The following SPEF2 variants were observed in gnomAD, a reference collection of about 807,000 sequenced individuals.
The protein encoded by SPEF2 is sperm flagellar and cilia associated 2.
Under a neutral mutation model 224.6 loss-of-function variants are expected in SPEF2, and 187 were observed. The observed-to-expected ratio is 0.83, with a 90% CI of 0.74 to 0.94. SPEF2 has a LOEUF of 0.94. Ranked by LOEUF, SPEF2 falls within the 40% of genes least tolerant of loss-of-function variation. The pLI, the probability that SPEF2 is intolerant of heterozygous loss-of-function variation, is 0.00. For missense variants in SPEF2, 2,170 were observed against 2,135.6 expected, an observed-to-expected ratio of 1.02 and a Z score of -0.32; for synonymous variants, 715 against 707.3, an observed-to-expected ratio of 1.01 and a Z score of -0.17.
At chr5:35,674,904 G>A (rs1362266298) in intron 10 of SPEF2, among the ~76,000 whole-genome samples, 2 of 152,198 alleles carry the variant, frequency 1.3e-5, no homozygotes, top group Admixed American at 1.3e-4. Context: ...AATTTCACAT[G>A]AAGTTGCTTG....
Position 35,646,804 on chromosome 5 carries a change from A to G in SPEF2, c.723A>G (p.Ala241=). The G allele has an allele frequency of 6.2e-7, 1 of 1,613,754 alleles. No individual in the cohort carries two copies. Among genetic ancestry groups the G allele is most frequent in the Non-Finnish European group, 8.5e-7 (1 of 1,179,826 alleles). The part of the protein sequence containing the change: ...AQKMMKKKKE[A]EDVADEIKKF... ...AAATGATGAAAAAGAAAAAAGAGGC[A>G]GAAGTAAGTGATAATCCTTTAATAT... The change falls in exon 5 of 37, where the codon GCA becomes GCG. Residue 241 remains alanine, a synonymous_variant. Transcript: ENST00000356031.
intron 34 of SPEF2, among the ~76,000 whole-genome samples, chr5:35,802,503 C>T (rs144961197): frequency 6.5e-4 from 98 of 151,628 alleles, no homozygotes; most frequent in African/African-American, 2.3e-3. Context: ...GAGACTACAT[C>T]GAATGGTGAT....
intron 10 of SPEF2, among the ~76,000 whole-genome samples, chr5:35,672,447 CTG>C (rs1408690380): frequency 6.7e-6 from 1 of 150,284 alleles, no homozygotes; most frequent in African/African-American, 2.4e-5. Flanking sequence ...ATGTGGACAA[CTG>C]TTTCTTTTAG....
chr5:35,679,294 C>A (rs758727061), intron 10 of SPEF2, among the ~76,000 whole-genome samples: 3 of 152,114 alleles, frequency 2.0e-5, no homozygotes, highest in Non-Finnish European at 4.4e-5. Flanking sequence ...CCAAGACAGT[C>A]AAGATAATTT....
At chr5:35,791,398 G>C (rs912052661) in intron 30 of SPEF2, 9 of 152,130 alleles carry the variant, frequency 5.9e-5, no homozygotes, top group Admixed American at 4.6e-4. Context: ...GGAGGTTAGA[G>C]GAAATGATAA....
rs527520477 is a variant in SPEF2, at chr5:35,767,427, T to C, written c.3801+3725T>C. Among the ~76,000 whole-genome samples, 116 of 152,160 alleles carry C rather than the reference T, an allele frequency of 7.6e-4. 1 individual carries two copies. The highest frequency in any genetic ancestry group is 1.2e-3 in the Non-Finnish European group (84 of 67,926). Reference sequence around the variant, plus strand: ...TAAGTTTGGTCATCATGTATTCTGTTACTAGTCTCTTAGCAATTGCCCTAG... The same window carrying C: ...TAAGTTTGGTCATCATGTATTCTGTCACTAGTCTCTTAGCAATTGCCCTAG... On this transcript the variant is annotated intron_variant, in intron 26 of 36. Coordinates refer to ENST00000356031, the MANE Select transcript of SPEF2 (RefSeq NM_024867.4).
At chr5:35,731,221 T>G (rs1051988664) in intron 21 of SPEF2, among the ~76,000 whole-genome samples, 18 of 152,076 alleles carry the variant, frequency 1.2e-4, no homozygotes, top group African/African-American at 3.6e-4. Flanking sequence ...GTAATAAGGT[T>G]TTGTGAGTCC....
intron 1 of SPEF2, among the ~76,000 whole-genome samples, chr5:35,623,467 A>G (rs2149358448): frequency 6.6e-6 from 1 of 152,376 alleles, no homozygotes; most frequent in East Asian, 1.9e-4. Context: ...TACCTAAAAA[A>G]TTCTAGAATC....
chr5:35,705,677 C>A lies in SPEF2; in HGVS notation c.2534C>A (p.Pro845His), dbSNP rs1404337432. The A allele has an allele frequency of 6.3e-7, 1 of 1,586,590 alleles. No homozygotes were observed. The highest frequency in any genetic ancestry group is 8.5e-7 in the Non-Finnish European group (1 of 1,171,738). Residue 845 changes from proline to histidine, a missense_variant, in exon 18 of 37, where the codon CCT (proline) becomes CAT (histidine). Pro to His is a moderately conservative substitution (Grantham distance 77, BLOSUM62 -2). Transcript: ENST00000356031. ...HRIIGFLDNWPLLEQWFSEPE... is the reference protein window; with the variant it reads ...HRIIGFLDNWHLLEQWFSEPE... Reference sequence around the variant, plus strand: ...ATTATAGGCTTCTTGGACAACTGGCCTTTATTGGAGCAATGGTTTTCAGAG... The same window carrying A: ...ATTATAGGCTTCTTGGACAACTGGCATTTATTGGAGCAATGGTTTTCAGAG...
At position 35,740,203 on chromosome 5, in the gene SPEF2, A is replaced by G. The variant is rs766226082; in HGVS notation, c.3266A>G (p.Asn1089Ser). ...DFVAQWQADF[N>S]SLPDDLWDDE... ...GTAGCTCAATGGCAGGCTGATTTCA[A>G]CTCCCTTCCTGATGACCTGTGGGAT... Residue 1089 changes from asparagine to serine, a missense_variant, in exon 23 of 37, where the codon AAC becomes AGC. Physicochemically the swap from Asn to Ser is conservative, Grantham distance 46. Coordinates refer to ENST00000356031, the MANE Select transcript of SPEF2 (RefSeq NM_024867.4). 2.1e-5 allele frequency: 34 copies of G among 1,613,858 alleles called. No individual in the cohort carries two copies. The highest frequency in any genetic ancestry group is 3.3e-5 in the Admixed American group (2 of 59,976).
At chr5:35,624,138 G>A (rs1386247837) in intron 1 of SPEF2, among the ~76,000 whole-genome samples, 1 of 152,158 alleles carries the variant, frequency 6.6e-6, no homozygotes, top group Non-Finnish European at 1.5e-5. Context: ...AAGGCACATA[G>A]ATCATTTCAC....
At chr5:35,653,441 G>A (rs1748477082) in intron 6 of SPEF2, among the ~76,000 whole-genome samples, 1 of 152,182 alleles carries the variant, frequency 6.6e-6, no homozygotes, top group Non-Finnish European at 1.5e-5. Flanking sequence ...ATAGATGATG[G>A]AAGAGTGTAG....
At chr5:35,622,851 G>C (rs919439495) in intron 1 of SPEF2, among the ~76,000 whole-genome samples, 1 of 152,140 alleles carries the variant, frequency 6.6e-6, no homozygotes. Flanking sequence ...AAAGACTGAT[G>C]CTCAATATTT....
At chr5:35,744,759 C>A (rs1748208885) in intron 23 of SPEF2, among the ~76,000 whole-genome samples, 1 of 152,016 alleles carries the variant, frequency 6.6e-6, no homozygotes, top group African/African-American at 2.4e-5. Context: ...GTCTAAAAAA[C>A]AAACAAACAA....
intron 10 of SPEF2, among the ~76,000 whole-genome samples, chr5:35,684,744 A>C (rs921679504): frequency 6.6e-6 from 1 of 152,240 alleles, no homozygotes; most frequent in Non-Finnish European, 1.5e-5. Flanking sequence ...CAGAAGCCTT[A>C]TATAATAGAA....
Position 35,739,904 on chromosome 5 carries a change from T to G in SPEF2, c.3064-15T>G. The G allele has an allele frequency of 6.2e-7, 1 of 1,612,502 alleles. No individual in the cohort carries two copies. Among genetic ancestry groups the G allele is most frequent in the Non-Finnish European group, 8.5e-7 (1 of 1,179,684 alleles). ...CATTTTGAAGTAACAGTTTCTACAC[T>G]TTACCATTTAACAGGAAATGCCTTT... On this transcript the variant is annotated splice_polypyrimidine_tract_variant and intron_variant, in intron 21 of 36. Coordinates refer to ENST00000356031, the MANE Select transcript of SPEF2 (RefSeq NM_024867.4).
In SPEF2 at chr5:35,710,113, C is replaced by T. The variant is rs11951810; in HGVS notation, c.2839+992C>T. On this transcript the variant is annotated intron_variant, in intron 19 of 36. Coordinates refer to ENST00000356031, the MANE Select transcript of SPEF2 (RefSeq NM_024867.4). ...TTAGAAATTAACTACAGGCAAAATA[C>T]ACACATCCTAAAAAATGTTTTTATC... The T allele has an allele frequency of 6.4e-3, 6,312 of 985,184 alleles. 128 individuals are homozygous for T. In the East Asian group the frequency reaches 0.064, roughly 10 times the overall value. 61.0% of individuals were successfully genotyped at this position (985,184 alleles called of 1,614,324 possible). A position where few individuals can be genotyped will look rare whatever the true frequency, so the allele number is the denominator to read the frequency against.
chr5:35,768,067 AT>A (rs1341430646), intron 26 of SPEF2, among the ~76,000 whole-genome samples: 1 of 151,870 alleles, frequency 6.6e-6, no homozygotes, highest in East Asian at 1.9e-4. Flanking sequence ...TGTAATCTGT[AT>A]TTTGTTAGTT....
At chr5:35,734,016 G>T (rs535357835) in intron 21 of SPEF2, among the ~76,000 whole-genome samples, 2 of 152,270 alleles carry the variant, frequency 1.3e-5, no homozygotes, top group Admixed American at 6.5e-5. Flanking sequence ...TTCTAAATAA[G>T]TGTTCATTGT....
Sources: allele counts gnomAD v4.1 joint callset (sites outside exome capture counted in the v4.1 genomes callset), GRCh38; gene constraint gnomAD v4.1.1; transcripts MANE v1.5; gene names NCBI Gene and HGNC (gene_info 2026-07-23, HGNC 2026-07-21).